The following STUM variants were observed in gnomAD, a reference collection of about 807,000 sequenced individuals.
STUM encodes the protein stum, mechanosensory transduction mediator homolog.
In STUM, 8 loss-of-function variants were observed where a neutral mutation model predicts 15.3. The ratio of observed to expected loss-of-function variants is 0.52; its 90% CI spans 0.31 to 0.94. The LOEUF is 0.94. STUM is among the 40% of genes least tolerant of loss of function. The pLI is 0.05. For missense variants in STUM, 142 were observed against 204.9 expected (o/e 0.69, Z 1.87); for synonymous variants, 78 against 88.7 (o/e 0.88, Z 0.68).
intron 1 of STUM, among the ~76,000 whole-genome samples, chr1:226,577,996 G>T (rs562400846): frequency 1.3e-5 from 2 of 152,100 alleles, no homozygotes; most frequent in Non-Finnish European, 2.9e-5. Context: ...TCCCTGACAC[G>T]CAGCCTTACT....
intron 1 of STUM, among the ~76,000 whole-genome samples, chr1:226,574,023 A>G (rs974910691): frequency 2.6e-5 from 4 of 152,262 alleles, no homozygotes; most frequent in Admixed American, 6.5e-5. Flanking sequence ...TTTAGTAGAG[A>G]TGGGGTTTTA....
chr1:226,576,975 T>C (rs937262300), intron 1 of STUM, among the ~76,000 whole-genome samples: 3 of 152,162 alleles, frequency 2.0e-5, no homozygotes, highest in Non-Finnish European at 4.4e-5. Context: ...ACCCACACAC[T>C]TCCTTAGTGA....
At chr1:226,561,056 T>C (rs938007581) in intron 1 of STUM, among the ~76,000 whole-genome samples, 5 of 152,166 alleles carry the variant, frequency 3.3e-5, no homozygotes, top group Admixed American at 2.0e-4. Context: ...CCAACTCAAA[T>C]GCCCTCTTCC....
chr1:226,606,051 A>T lies in STUM; in HGVS notation c.*4011A>T, dbSNP rs1365447902. ...GAACTGCAGAAAGAAAAAAAGCCAC[A>T]TGGTTAACTTTTCCCCTGGAGGGCA... On this transcript the variant is annotated 3_prime_UTR_variant, in exon 4 of 4. Coordinates refer to ENST00000366788, the MANE Select transcript of STUM (RefSeq NM_001003665.4). 6.6e-6 allele frequency: 1 copy of T among 152,270 alleles called. No individual in the cohort carries two copies. The highest frequency in any genetic ancestry group is 6.5e-5 in the Admixed American group (1 of 15,284). 9.4% of individuals were successfully genotyped at this position (152,270 alleles called of 1,614,324 possible).
intron 1 of STUM, among the ~76,000 whole-genome samples, chr1:226,556,307 T>C (rs1667444810): frequency 6.6e-6 from 1 of 152,232 alleles, no homozygotes; most frequent in South Asian, 2.1e-4. Context: ...GCCAGGTCTA[T>C]GCTAAGAGCT....
rs540216342 is a variant in STUM at position 226,549,480 on chromosome 1, C to G, written c.202+374C>G. Among the ~76,000 whole-genome samples the G allele has an allele frequency of 2.0e-5, 3 of 152,218 alleles. No homozygotes were observed. Among genetic ancestry groups the G allele is most frequent in the African/African-American group, 7.2e-5 (3 of 41,464 alleles). On this transcript the variant is annotated intron_variant, in intron 1 of 3. Transcript: ENST00000366788. The surrounding 1 kb of genome is among the most constrained non-coding windows in gnomAD (Gnocchi z 6.8). ...TGTGCATCCGTCCGCGAGCCCACTT[C>G]CCCGAGAGGAATGGGGTCGGATCAG...
intron 1 of STUM, among the ~76,000 whole-genome samples, chr1:226,562,548 G>A (rs892341937): frequency 2.0e-5 from 3 of 151,612 alleles, no homozygotes; most frequent in Admixed American, 1.3e-4. Flanking sequence ...ACAAGGGACC[G>A]ACATCATGTA....
intron 1 of STUM, among the ~76,000 whole-genome samples, chr1:226,570,527 G>C (rs1227837067): frequency 1.3e-5 from 2 of 152,194 alleles, no homozygotes; most frequent in African/African-American, 2.4e-5. Context: ...TTTTAGACTA[G>C]ACAGCACCAG....
At chr1:226,550,889 C>G (rs1357705234) in intron 1 of STUM, among the ~76,000 whole-genome samples, 1 of 152,172 alleles carries the variant, frequency 6.6e-6, no homozygotes. Context: ...GGGGATCCAG[C>G]TTTTCCCTTT....
At chr1:226,587,371 A>G (rs1049404073) in intron 1 of STUM, among the ~76,000 whole-genome samples, 1 of 152,160 alleles carries the variant, frequency 6.6e-6, no homozygotes, top group Non-Finnish European at 1.5e-5. Flanking sequence ...GTGGCATCCA[A>G]GAAGGCTCCT....
chr1:226,584,209 C>T (rs1667962531), intron 1 of STUM, among the ~76,000 whole-genome samples: 2 of 152,194 alleles, frequency 1.3e-5, no homozygotes, highest in Non-Finnish European at 2.9e-5. Context: ...TGGCCCTCAG[C>T]TGGAACCTCA....
Position 226,562,766 on chromosome 1 carries a change from C to T in STUM, c.202+13660C>T, listed in dbSNP as rs536556681. On this transcript the variant is annotated intron_variant, in intron 1 of 3. Coordinates refer to ENST00000366788, the MANE Select transcript of STUM (RefSeq NM_001003665.4). ...AAACACATGACAGCTGTATACAAAA[C>T]GTAATCTTGAATTACATCCTGTACT... Among the ~76,000 whole-genome samples, 39 of 152,182 alleles carry T rather than the reference C, an allele frequency of 2.6e-4. 1 individual carries two copies. The highest frequency in any genetic ancestry group is 1.6e-3 in the Admixed American group (25 of 15,294).
At chr1:226,597,289 C>G in intron 2 of STUM, 1 of 556,978 alleles carries the variant, frequency 1.8e-6, no homozygotes, top group Non-Finnish European at 3.5e-6. Context: ...ATCAAGTTTA[C>G]CAAAGACAAC....
chr1:226,563,314 G>C (rs574751965), intron 1 of STUM, among the ~76,000 whole-genome samples: 335 of 152,272 alleles, frequency 2.2e-3, no homozygotes, highest in African/African-American at 7.7e-3. Context: ...GCTATCTGGG[G>C]ACCACAGGAA....
intron 1 of STUM, among the ~76,000 whole-genome samples, chr1:226,551,436 G>C (rs1471493882): frequency 6.6e-6 from 1 of 152,228 alleles, no homozygotes; most frequent in Non-Finnish European, 1.5e-5. Flanking sequence ...TCCACCTGCA[G>C]TGGAGTCCCA....
chr1:226,572,969 G>A (rs560699524), intron 1 of STUM, among the ~76,000 whole-genome samples: 3 of 152,312 alleles, frequency 2.0e-5, no homozygotes, highest in African/African-American at 7.2e-5. Context: ...CAGGCCTCCT[G>A]ACCCTGATCC....
Position 226,549,930 on chromosome 1 carries a change from G to A in STUM, c.202+824G>A, listed in dbSNP as rs1258731656. Reference sequence around the variant, plus strand: ...TGGTGCAGGAGGGTGAATGGAGGCAGGGAATGAGAAGTTTTCCTGACCCTC... The same window carrying A: ...TGGTGCAGGAGGGTGAATGGAGGCAAGGAATGAGAAGTTTTCCTGACCCTC... On this transcript the variant is annotated intron_variant, in intron 1 of 3. Coordinates refer to ENST00000366788, the MANE Select transcript of STUM (RefSeq NM_001003665.4). The surrounding 1 kb of genome is among the most constrained non-coding windows in gnomAD (Gnocchi z 6.8). Among the ~76,000 whole-genome samples the A allele has an allele frequency of 1.3e-5, 2 of 152,124 alleles. No individual in the cohort carries two copies. The highest frequency in any genetic ancestry group is 2.9e-5 in the Non-Finnish European group (2 of 68,016).
intron 3 of STUM, among the ~76,000 whole-genome samples, chr1:226,601,634 T>G (rs759770420): frequency 5.3e-5 from 8 of 152,164 alleles, no homozygotes; most frequent in Non-Finnish European, 1.2e-4. Context: ...CCATACCAGA[T>G]GCCCAACCTT....
intron 1 of STUM, among the ~76,000 whole-genome samples, chr1:226,574,894 C>G (rs1196658650): frequency 6.6e-6 from 1 of 152,188 alleles, no homozygotes; most frequent in African/African-American, 2.4e-5. Flanking sequence ...CTCACAACCC[C>G]TCAGAGGAAA....
Sources: allele counts gnomAD v4.1 joint callset (sites outside exome capture counted in the v4.1 genomes callset), GRCh38; gene constraint gnomAD v4.1.1; non-coding constraint Gnocchi (gnomAD v3.1); transcripts MANE v1.5; gene names NCBI Gene and HGNC (gene_info 2026-07-23, HGNC 2026-07-21).